Variants in MAP3K1 observed in about 807,000 individuals in gnomAD.
MAP3K1 encodes MAP/ERK kinase kinase 1.
MAP3K1 carries 36 observed loss-of-function variants against 144.2 expected under a neutral mutation model. The ratio of observed to expected loss-of-function variants is 0.25; its 90% CI spans 0.19 to 0.33. MAP3K1 has a LOEUF of 0.33. MAP3K1 is among the 10% of genes least tolerant of loss of function. The probability of loss-of-function intolerance (pLI) is 1.00; values close to 1 mark genes in which losing one functional copy is unlikely to be tolerated. For synonymous variants in MAP3K1, 718 were observed against 688.7 expected (o/e 1.04, Z -0.67); for missense variants, 1,650 against 1,881.9 (o/e 0.88, Z 2.28).
chr5:56,868,440 A>G (rs1182325786), intron 6 of MAP3K1, among the ~76,000 whole-genome samples: 1 of 151,992 alleles, frequency 6.6e-6, no homozygotes, highest in Non-Finnish European at 1.5e-5. Context: ...GCTGGAGTGC[A>G]GTGGCGTGAT....
At chr5:56,871,114 A>G (rs1747836776) in intron 6 of MAP3K1, among the ~76,000 whole-genome samples, 1 of 152,186 alleles carries the variant, frequency 6.6e-6, no homozygotes, top group South Asian at 2.1e-4. Flanking sequence ...ATACTCAAGT[A>G]TATGCAATAT....
chr5:56,836,821 A>G (rs1746669417), intron 1 of MAP3K1, among the ~76,000 whole-genome samples: 1 of 152,134 alleles, frequency 6.6e-6, no homozygotes, highest in African/African-American at 2.4e-5. Context: ...TCATCCTAGT[A>G]ATGCTTACTT....
chr5:56,860,868 AAAAG>A (rs914679406), intron 3 of MAP3K1, among the ~76,000 whole-genome samples: 3 of 152,092 alleles, frequency 2.0e-5, no homozygotes, highest in East Asian at 1.9e-4. Flanking sequence ...AAAAAAGAAA[AAAAG>A]AAAAGCAACT....
At chr5:56,879,428 A>T (rs536172027) in intron 11 of MAP3K1, among the ~76,000 whole-genome samples, 2 of 152,348 alleles carry the variant, frequency 1.3e-5, no homozygotes, top group East Asian at 1.9e-4. Flanking sequence ...ATAATCTCAT[A>T]TTAGAGTATG....
intron 16 of MAP3K1, 123 bp from the exon 17 acceptor site, chr5:56,885,809 A>G: frequency 1.3e-6 from 1 of 786,460 alleles, no homozygotes; most frequent in Non-Finnish European, 2.1e-6. Flanking sequence ...TAGTTTTGAA[A>G]TGTTTTTCTT....
intron 9 of MAP3K1, among the ~76,000 whole-genome samples, chr5:56,873,389 C>T (rs150146897): frequency 4.6e-5 from 7 of 152,200 alleles, no homozygotes; most frequent in Non-Finnish European, 1.0e-4. Context: ...AAATTAATTT[C>T]TCTTTTCATA....
chr5:56,819,251 A>G (rs1746079225), intron 1 of MAP3K1, among the ~76,000 whole-genome samples: 1 of 152,182 alleles, frequency 6.6e-6, no homozygotes, highest in Non-Finnish European at 1.5e-5. Context: ...ACGATTTCCA[A>G]TGCACTAAAA....
intron 3 of MAP3K1, among the ~76,000 whole-genome samples, chr5:56,862,492 A>G (rs1268018453): frequency 6.6e-6 from 1 of 152,146 alleles, no homozygotes; most frequent in African/African-American, 2.4e-5. Flanking sequence ...CCCACCCCCA[A>G]AACCCACTTT....
At chr5:56,850,945 T>G (rs1393136111) in intron 1 of MAP3K1, among the ~76,000 whole-genome samples, 1 of 152,122 alleles carries the variant, frequency 6.6e-6, no homozygotes, top group African/African-American at 2.4e-5. Flanking sequence ...AGGATTCTTT[T>G]TGTTTGTTTA....
At chr5:56,824,801 A>G (rs1368077549) in intron 1 of MAP3K1, among the ~76,000 whole-genome samples, 1 of 152,156 alleles carries the variant, frequency 6.6e-6, no homozygotes, top group Non-Finnish European at 1.5e-5. Context: ...TGCTTACCGA[A>G]TGTCTTATCT....
chr5:56,867,012 A>T (rs1747694911), intron 6 of MAP3K1, among the ~76,000 whole-genome samples: 1 of 152,070 alleles, frequency 6.6e-6, no homozygotes, highest in Admixed American at 6.5e-5. Flanking sequence ...ATCTCTTCTA[A>T]ATAAAATGAA....
chr5:56,882,202 T>C lies in MAP3K1; in HGVS notation c.3002T>C (p.Val1001Ala). ...PSVPAGTATD[V>A]SKHRLQGFIP... ...GTACCAGCTGGCACTGCAACAGATGTCTCTAAGCATAGACTTCAGGGATTC... is the reference window on the plus strand; with the variant it reads ...GTACCAGCTGGCACTGCAACAGATGCCTCTAAGCATAGACTTCAGGGATTC... The change falls in exon 14 of 20, where the codon GTC (valine) becomes GCC (alanine). Residue 1001 changes from valine (V) to alanine (A), a missense_variant. Val to Ala is a moderately conservative substitution (Grantham distance 64). Around this residue, in one of 6 missense-constraint regions of MAP3K1, gnomAD observed 841 missense variants for 886.5 expected, o/e 0.95. Transcript: ENST00000399503. The C allele has an allele frequency of 6.2e-7, 1 of 1,614,098 alleles. No individual in the cohort carries two copies. Among genetic ancestry groups the C allele is most frequent in the African/African-American group, 1.3e-5 (1 of 75,032 alleles).
chr5:56,874,968 C>T, intron 9 of MAP3K1, 64 bp from the exon 10 acceptor site: 2 of 1,553,466 alleles, frequency 1.3e-6, no homozygotes, highest in Non-Finnish European at 8.9e-7. Flanking sequence ...TGATGCTAAA[C>T]TCAAAATGCT....
intron 1 of MAP3K1, among the ~76,000 whole-genome samples, chr5:56,841,049 T>C (rs528505328): frequency 2.0e-5 from 3 of 152,100 alleles, no homozygotes; most frequent in African/African-American, 7.2e-5. Context: ...CTAATTTGTG[T>C]GTGTGTTTAG....
At chr5:56,828,820 C>T (rs1383635785) in intron 1 of MAP3K1, among the ~76,000 whole-genome samples, 1 of 151,922 alleles carries the variant, frequency 6.6e-6, no homozygotes, top group Non-Finnish European at 1.5e-5. Context: ...AAAAAAGCTT[C>T]TTCTTTGACT....
At chr5:56,860,376 A>G (rs190282443) in intron 3 of MAP3K1, among the ~76,000 whole-genome samples, 239 of 152,354 alleles carry the variant, frequency 1.6e-3, no homozygotes, top group African/African-American at 5.5e-3. Flanking sequence ...AAGCACTTCT[A>G]CATACCAAAA....
At chr5:56,861,224 T>TG in intron 3 of MAP3K1, among the ~76,000 whole-genome samples, 1 of 152,194 alleles carries the variant, frequency 6.6e-6, no homozygotes, top group Non-Finnish European at 1.5e-5. Flanking sequence ...AGATTCCACA[T>TG]TACAACTGCC....
intron 1 of MAP3K1, among the ~76,000 whole-genome samples, chr5:56,849,671 G>A (rs1747108985): frequency 6.6e-6 from 1 of 152,156 alleles, no homozygotes; most frequent in African/African-American, 2.4e-5. Flanking sequence ...GAAGGAATAG[G>A]CCAACAGTTG....
In MAP3K1 at chr5:56,815,749, G is replaced by A. The variant is rs577708359; in HGVS notation, c.176G>A (p.Arg59Gln). 8 of 1,368,542 alleles carry A rather than the reference G, an allele frequency of 5.8e-6. No individual in the cohort carries two copies. The South Asian group carries it at 1.2e-4, about 21-fold the overall frequency. The allele number at this position is 1,368,542 out of a possible 1,614,324, so 84.8% of individuals were successfully genotyped here. The change falls in exon 1 of 20, where the codon CGG becomes CAG. Residue 59 changes from arginine (R) to glutamine (Q), a missense_variant. Coordinates refer to ENST00000399503, the MANE Select transcript of MAP3K1 (RefSeq NM_005921.2). ...GGCCGCGAGCGGGCGGACTGGCGGC[G>A]GCGGCAGCTGCGCAAAGTGCGGAGT... The part of the protein sequence containing the change: ...SGGRERADWR[R>Q]RQLRKVRSVE...
Sources: gnomAD v4.1 joint callset for allele counts (sites outside exome capture counted in the v4.1 genomes callset) on GRCh38, gnomAD v4.1.1 for gene constraint, gnomAD v4.1.1 regional missense constraint, MANE v1.5 for transcripts, NCBI Gene and HGNC (gene_info 2026-07-23, HGNC 2026-07-21) for gene names.